DOCK1: variants seen among roughly 807,000 people sequenced by gnomAD.
The protein encoded by DOCK1 is dedicator of cytokinesis 1.
In DOCK1, 138 loss-of-function variants were observed where a neutral mutation model predicts 262.7. That is an observed-to-expected ratio of 0.53 (90% CI 0.46 to 0.61). The LOEUF is 0.61. Among genes scored for constraint, DOCK1 ranks in the 20% least tolerant of loss-of-function variants. The pLI is 0.00. For missense variants in DOCK1, 1,908 were observed against 2,370.7 expected (o/e 0.80, Z 4.05); for synonymous variants, 866 against 867.4 (o/e 1.00, Z 0.03).
At chr10:126,941,082 G>C (rs1165347145) in intron 1 of DOCK1, among the ~76,000 whole-genome samples, 4 of 152,170 alleles carry the variant, frequency 2.6e-5, no homozygotes, top group Admixed American at 1.3e-4. Context: ...AGAGTCATCT[G>C]TTTGGTCATT....
chr10:127,421,870 T>A (rs920224270), intron 46 of DOCK1, among the ~76,000 whole-genome samples: 3 of 152,204 alleles, frequency 2.0e-5, no homozygotes, highest in Non-Finnish European at 4.4e-5. Context: ...TCTCCACGGA[T>A]CTGTCAAGGA....
chr10:127,348,891 C>A (rs542035604), intron 31 of DOCK1, among the ~76,000 whole-genome samples: 1 of 152,290 alleles, frequency 6.6e-6, no homozygotes, highest in East Asian at 1.9e-4. Flanking sequence ...CTGATTATAA[C>A]AGGAGATACG....
At chr10:127,111,178 ACACT>A (rs1307023918) in intron 25 of DOCK1, among the ~76,000 whole-genome samples, 1 of 152,196 alleles carries the variant, frequency 6.6e-6, no homozygotes, top group Non-Finnish European at 1.5e-5. Flanking sequence ...GGTTTGGAAC[ACACT>A]CTGTGCTTGG....
intron 27 of DOCK1, among the ~76,000 whole-genome samples, chr10:127,211,868 A>C (rs2134338100): frequency 6.6e-6 from 1 of 152,218 alleles, no homozygotes; most frequent in South Asian, 2.1e-4. Context: ...ACTCTTGCAA[A>C]TCATTTCCTG....
At chr10:127,110,939 G>T (rs1328689691) in intron 25 of DOCK1, among the ~76,000 whole-genome samples, 1 of 152,144 alleles carries the variant, frequency 6.6e-6, no homozygotes, top group African/African-American at 2.4e-5. Context: ...TTTATTGAAA[G>T]CTTAAAACCT....
At chr10:127,280,109 A>C in intron 29 of DOCK1, among the ~76,000 whole-genome samples, 2 of 142,752 alleles carry the variant, frequency 1.4e-5, no homozygotes, top group African/African-American at 2.6e-5. Context: ...ATCTCGGCTC[A>C]CTGCAAGCTC....
intron 38 of DOCK1, among the ~76,000 whole-genome samples, chr10:127,395,956 T>C (rs2066803984): frequency 6.6e-6 from 1 of 152,154 alleles, no homozygotes. Context: ...CCTTTCAGCA[T>C]TGAGCAAGGC....
chr10:127,008,069 C>T (rs577405778), intron 10 of DOCK1, among the ~76,000 whole-genome samples: 1 of 152,272 alleles, frequency 6.6e-6, no homozygotes, highest in Middle Eastern at 3.4e-3. Flanking sequence ...AGTAAATTTT[C>T]AGTTCCTCCA....
chr10:127,444,065 T>A, intron 49 of DOCK1, 61 bp from the exon 50 acceptor site: 1 of 1,542,228 alleles, frequency 6.5e-7, no homozygotes, highest in Non-Finnish European at 8.7e-7. Context: ...GGAATTTAGG[T>A]GGAAACGCAA....
chr10:127,241,507 G>A (rs2059263146), intron 27 of DOCK1, among the ~76,000 whole-genome samples: 1 of 152,136 alleles, frequency 6.6e-6, no homozygotes, highest in Non-Finnish European at 1.5e-5. Flanking sequence ...TGTGCACAGA[G>A]CATGGAGGCG....
At chr10:127,367,081 T>A (rs1351078582) in intron 33 of DOCK1, among the ~76,000 whole-genome samples, 2 of 152,222 alleles carry the variant, frequency 1.3e-5, no homozygotes, top group Middle Eastern at 3.2e-3. Context: ...GGAGACCTGC[T>A]GGATTCAGAA....
chr10:127,338,706 C>CT (rs142835272), intron 29 of DOCK1, among the ~76,000 whole-genome samples: 13 of 151,486 alleles, frequency 8.6e-5, no homozygotes, highest in Admixed American at 3.3e-4. Flanking sequence ...TAATTTGCAC[C>CT]TTTTTTTTTC....
At chr10:127,381,161 T>C (rs2134102351) in intron 36 of DOCK1, 117 bp from the exon 37 acceptor site, 1 of 787,056 alleles carries the variant, frequency 1.3e-6, no homozygotes, top group Non-Finnish European at 1.8e-6. Context: ...ATTATGAACA[T>C]TGTAAAAAGG....
At chr10:127,265,562 G>T (rs982943489) in intron 29 of DOCK1, among the ~76,000 whole-genome samples, 7 of 152,160 alleles carry the variant, frequency 4.6e-5, no homozygotes, top group African/African-American at 1.7e-4. Context: ...ACCAGGAAGT[G>T]TTTTCCTCAA....
rs146453941 is a variant in DOCK1 at position 127,072,789 on chromosome 10, A to G, written c.2445+11013A>G. Among the ~76,000 whole-genome samples the G allele has an allele frequency of 3.4e-3, 515 of 152,298 alleles. 1 individual carries two copies. The highest frequency in any genetic ancestry group is 0.014 in the Middle Eastern group (4 of 294). ...TCCCAGCACTGCCATGGTGGTTGTT[A>G]AAAATAATGAGAAAGCTTTCTAAAG... On this transcript the variant is annotated intron_variant, in intron 23 of 51. Transcript: ENST00000623213.
At position 127,380,138 on chromosome 10, in the gene DOCK1, G is replaced by A. The variant is rs555372340; in HGVS notation, c.3716+16G>A. The A allele has an allele frequency of 2.4e-4, 356 of 1,470,530 alleles. 5 individuals are homozygous for A. In the South Asian group the frequency reaches 4.4e-3, roughly 18 times the overall value. 91.1% of individuals were successfully genotyped at this position (1,470,530 alleles called of 1,614,324 possible). On this transcript the variant is annotated intron_variant, in intron 36 of 51. Transcript: ENST00000623213. Reference sequence around the variant, plus strand: ...TGTATATAAGGTATGTATGCATCACGCTTGTCTGCATGTTAATTATAAATA... The same window carrying A: ...TGTATATAAGGTATGTATGCATCACACTTGTCTGCATGTTAATTATAAATA...
rs1020447618 is a variant in DOCK1 at position 127,089,118 on chromosome 10, C to T, written c.2446-17113C>T. Among the ~76,000 whole-genome samples, 35 of 152,196 alleles carry T rather than the reference C, an allele frequency of 2.3e-4. 1 individual carries two copies. The highest frequency in any genetic ancestry group is 8.2e-4 in the African/African-American group (34 of 41,440). On this transcript the variant is annotated intron_variant, in intron 23 of 51. Coordinates refer to ENST00000623213, the MANE Select transcript of DOCK1 (RefSeq NM_001290223.2). ...CCTGTGTCACCTCGGCTCTGCCATC[C>T]TTTTCCCTGCCCATACACATGGAGC...
At chr10:127,017,389 A>G (rs550491577) in intron 12 of DOCK1, among the ~76,000 whole-genome samples, 1 of 152,258 alleles carries the variant, frequency 6.6e-6, no homozygotes, top group East Asian at 1.9e-4. Flanking sequence ...AGACATACAT[A>G]CAGATACAGA....
rs769662326 is a variant in DOCK1, at chr10:127,175,219, G to A, written c.2847+47455G>A. The stretch of plus-strand genomic sequence containing the variant: ...ATGGGTGAACATACATACCCTTCCC[G>A]ATGGGCCTCTCCTTTTTCCAACTCC... On this transcript the variant is annotated intron_variant, in intron 27 of 51. Transcript: ENST00000623213. This position sits in a 1 kb window ranked among gnomAD's most constrained non-coding sequence, Gnocchi z 6.3. The A allele has an allele frequency of 5.0e-6, 8 of 1,612,164 alleles. No homozygotes were observed. Among genetic ancestry groups the A allele is most frequent in the South Asian group, 4.4e-5 (4 of 90,722 alleles).
Sources: gnomAD v4.1 joint callset for allele counts (sites outside exome capture counted in the v4.1 genomes callset) on GRCh38, gnomAD v4.1.1 for gene constraint, Gnocchi (gnomAD v3.1) non-coding constraint, MANE v1.5 for transcripts, NCBI Gene and HGNC (gene_info 2026-07-23, HGNC 2026-07-21) for gene names.